The following DOCK10 variants were observed in gnomAD, a reference collection of about 807,000 sequenced individuals.
DOCK10 encodes dedicator of cytokinesis protein 10.
Under a neutral mutation model 280.1 loss-of-function variants are expected in DOCK10, and 145 were observed. That is an observed-to-expected ratio of 0.52 (90% CI 0.45 to 0.59). The LOEUF (loss-of-function observed/expected upper bound fraction) is 0.59, where lower values mean the gene tolerates loss of function less well. Among genes scored for constraint, DOCK10 ranks in the 20% least tolerant of loss-of-function variants. The pLI is 0.00. For synonymous variants in DOCK10, 915 were observed against 942.2 expected (o/e 0.97, Z 0.53); for missense variants, 2,368 against 2,651.7 (o/e 0.89, Z 2.35).
chr2:225,022,813 G>T (rs1046020277), intron 1 of DOCK10, among the ~76,000 whole-genome samples: 1 of 152,186 alleles, frequency 6.6e-6, no homozygotes, highest in Non-Finnish European at 1.5e-5. Flanking sequence ...TTGGGTAAAA[G>T]TTGGTATACA....
intron 3 of DOCK10, 136 bp downstream of exon 3, chr2:224,916,559 A>AT: frequency 1.8e-6 from 1 of 558,036 alleles, no homozygotes. Flanking sequence ...AAAAAAAAAA[A>AT]AAAGACATCC....
At chr2:224,814,017 C>T (rs992905231) in intron 31 of DOCK10, among the ~76,000 whole-genome samples, 1 of 152,136 alleles carries the variant, frequency 6.6e-6, no homozygotes, top group African/African-American at 2.4e-5. Flanking sequence ...TTACATTGAA[C>T]AAGCATGTTA....
intron 2 of DOCK10, among the ~76,000 whole-genome samples, chr2:224,926,059 C>T (rs1378135613): frequency 6.6e-6 from 1 of 152,098 alleles, no homozygotes; most frequent in Non-Finnish European, 1.5e-5. Context: ...GTAGCAAATA[C>T]AATTATTGAA....
At chr2:224,874,566 G>C (rs1052134865) in intron 9 of DOCK10, 100 bp downstream of exon 9, 6 of 1,208,090 alleles carry the variant, frequency 5.0e-6, no homozygotes, top group Non-Finnish European at 7.3e-6. Flanking sequence ...TTAGCTTCTT[G>C]GTCTAAATCT....
At chr2:224,785,632 CA>C (rs1276756476) in intron 50 of DOCK10, among the ~76,000 whole-genome samples, 1 of 152,176 alleles carries the variant, frequency 6.6e-6, no homozygotes, top group African/African-American at 2.4e-5. Context: ...AGACGCCTGC[CA>C]CCACACCCGG....
rs1268681881 is a variant in DOCK10 at position 224,837,191 on chromosome 2, A to G, written c.2850+571T>C. Reference sequence around the variant, plus strand: ...TTCACTGGCATTAATCCACAGGCCAACTGGAAATGAGAATAGAAGCGTCTC... The same window carrying G: ...TTCACTGGCATTAATCCACAGGCCAGCTGGAAATGAGAATAGAAGCGTCTC... On this transcript the variant is annotated intron_variant, in intron 25 of 55. Transcript: ENST00000258390. 2.6e-5 allele frequency among the ~76,000 whole-genome samples: 4 copies of G among 152,214 alleles called. No individual in the cohort carries two copies. In the South Asian group the frequency reaches 8.3e-4, roughly 32 times the overall value.
At chr2:224,796,653 G>GA (rs1460358937) in intron 43 of DOCK10, among the ~76,000 whole-genome samples, 2 of 152,064 alleles carry the variant, frequency 1.3e-5, no homozygotes, top group Non-Finnish European at 2.9e-5. Context: ...ATGCCTAGAA[G>GA]AAAAAAAATT....
chr2:224,770,021 A>C lies in DOCK10; in HGVS notation c.6444+190T>G. ...AGGTTCTCATAATCTTTTTCTACAG[A>C]GTTTCCCCCAGCCTGATCTCTGCTT... On this transcript the variant is annotated intron_variant, in intron 55 of 55. Transcript: ENST00000258390. This position sits in a 1 kb window ranked among gnomAD's most constrained non-coding sequence, Gnocchi z 4.5. 6.6e-6 allele frequency among the ~76,000 whole-genome samples: 1 copy of C among 152,128 alleles called. No individual in the cohort carries two copies. The highest frequency in any genetic ancestry group is 1.9e-4 in the East Asian group (1 of 5,188).
chr2:224,787,304 C>T lies in DOCK10; in HGVS notation c.5512G>A (p.Ala1838Thr). Residue 1838 changes from alanine to threonine, a missense_variant, in exon 49 of 56, where the codon GCT (alanine) becomes ACT (threonine). Ala to Thr is a moderately conservative substitution (Grantham distance 58). This residue lies in a region of DOCK10 where 1,159 missense variants were observed against 1,400.8 expected (regional missense o/e 0.83). Transcript: ENST00000258390. ...LIADVNKPII[A>T]VFEKQRDFKK... ...AAGTCTCGTTGTTTCTCAAAGACAG[C>T]AATGATGGGCTTGTTGACATCAGCA... The T allele has an allele frequency of 6.2e-7, 1 of 1,613,946 alleles. No individual in the cohort carries two copies.
intron 1 of DOCK10, among the ~76,000 whole-genome samples, chr2:224,969,396 G>A (rs1342591828): frequency 6.6e-6 from 1 of 152,150 alleles, no homozygotes; most frequent in Admixed American, 6.5e-5. Context: ...GGTCCTTACG[G>A]TTTTGTGATG....
chr2:224,793,367 AG>A, intron 46 of DOCK10, 32 bp downstream of exon 46: 1 of 1,568,500 alleles, frequency 6.4e-7, no homozygotes, highest in Non-Finnish European at 8.7e-7. Context: ...GTTGATATCT[AG>A]GCTTTTTGCC....
chr2:224,896,183 G>T, intron 4 of DOCK10, 112 bp downstream of exon 4: 1 of 579,852 alleles, frequency 1.7e-6, no homozygotes, highest in Non-Finnish European at 2.9e-6. Flanking sequence ...TTTGGAAAAT[G>T]TGCCTTGACA....
intron 1 of DOCK10, among the ~76,000 whole-genome samples, chr2:224,979,848 A>G (rs1311515414): frequency 6.6e-6 from 1 of 152,204 alleles, no homozygotes; most frequent in Non-Finnish European, 1.5e-5. Flanking sequence ...CTCATTTTAT[A>G]GGAGAGGAAA....
At chr2:224,881,371 A>G (rs529177562) in intron 7 of DOCK10, among the ~76,000 whole-genome samples, 4 of 152,312 alleles carry the variant, frequency 2.6e-5, no homozygotes, top group Admixed American at 6.5e-5. Flanking sequence ...AAGTTTTCCA[A>G]TATATACTAG....
chr2:224,849,683 C>G, intron 18 of DOCK10, 84 bp from the exon 19 acceptor site: 1 of 941,778 alleles, frequency 1.1e-6, no homozygotes, highest in Admixed American at 2.1e-5. Context: ...TCTTCAGTAC[C>G]AACCCTGGGA....
chr2:224,999,411 A>C (rs73083764), intron 1 of DOCK10, among the ~76,000 whole-genome samples: 8,549 of 152,036 alleles, frequency 0.056, 291 homozygotes, highest in Middle Eastern at 0.12. Flanking sequence ...CAGCGAGTGA[A>C]GCTCAACTTA....
At chr2:224,834,799 T>C (rs1574907494) in intron 25 of DOCK10, among the ~76,000 whole-genome samples, 1 of 152,310 alleles carries the variant, frequency 6.6e-6, no homozygotes, top group Non-Finnish European at 1.5e-5. Flanking sequence ...TTATTTTTTT[T>C]CCTCAAAAAA....
intron 1 of DOCK10, among the ~76,000 whole-genome samples, chr2:224,974,377 C>T (rs1039313110): frequency 9.2e-5 from 14 of 152,116 alleles, no homozygotes; most frequent in African/African-American, 2.7e-4. Context: ...CAGAGTAAAT[C>T]AGTTCCATGA....
chr2:225,034,319 C>T (rs1302227767), intron 1 of DOCK10, among the ~76,000 whole-genome samples: 1 of 152,180 alleles, frequency 6.6e-6, no homozygotes, highest in African/African-American at 2.4e-5. Flanking sequence ...TTCCTGATCT[C>T]TAAGCATCTC....
Sources: allele counts gnomAD v4.1 joint callset (sites outside exome capture counted in the v4.1 genomes callset), GRCh38; gene constraint gnomAD v4.1.1; regional missense constraint gnomAD v4.1.1; non-coding constraint Gnocchi (gnomAD v3.1); transcripts MANE v1.5; gene names NCBI Gene and HGNC (gene_info 2026-07-23, HGNC 2026-07-21).